SUCNR1: variants seen among roughly 807,000 people sequenced by gnomAD.
SUCNR1 encodes the protein G-protein coupled receptor 91.
SUCNR1 carries 5 observed loss-of-function variants against 2.4 expected under a neutral mutation model. The observed-to-expected ratio is 2.07, with a 90% CI of 1.08 to 4.36. SUCNR1 has a LOEUF of 4.36. SUCNR1 is among the 30% of genes most tolerant of loss of function. The pLI is 0.00. For missense variants in SUCNR1, 373 were observed against 399.2 expected (o/e 0.93, Z 0.56); for synonymous variants, 162 against 143.9 (o/e 1.13, Z -0.90).
At position 151,881,021 on chromosome 3, in the gene SUCNR1, C is replaced by G; in HGVS notation, c.478C>G (p.Leu160Val). 6.2e-7 allele frequency: 1 copy of G among 1,614,144 alleles called. No homozygotes were observed. The highest frequency in any genetic ancestry group is 8.5e-7 in the Non-Finnish European group (1 of 1,180,020). ...VTLELLPILPLINPVITDNGT... is the reference protein window; with the variant it reads ...VTLELLPILPVINPVITDNGT... ...CTTAGAGTTACTACCCATACTTCCC[C>G]TTATAAATCCTGTTATAACTGACAA... The change falls in exon 3 of 3, where the codon CTT (leucine) becomes GTT (valine). Residue 160 changes from leucine to valine, a missense_variant. Physicochemically the swap from Leu to Val is conservative, Grantham distance 32. Around this residue, in one of 3 missense-constraint regions of SUCNR1, gnomAD observed 32 missense variants for 58.3 expected, o/e 0.55. Transcript: ENST00000362032.
In SUCNR1 at chr3:151,884,286, T is replaced by C. The variant is rs1033181245; in HGVS notation, c.*2738T>C. 6.6e-6 allele frequency: 1 copy of C among 152,214 alleles called. No homozygotes were observed. Among genetic ancestry groups the C allele is most frequent in the Admixed American group, 6.5e-5 (1 of 15,280 alleles). The allele number at this position is 152,214 out of a possible 1,614,324, so 9.4% of individuals were successfully genotyped here. ...TTTTATATGAAGAATAGAGTGTATA[T>C]ACATAAACCCATGTGCCAGCTGCCA... is the stretch of plus-strand genomic sequence containing the variant. On this transcript the variant is annotated 3_prime_UTR_variant, in exon 3 of 3. Transcript: ENST00000362032.
intron 1 of SUCNR1, among the ~76,000 whole-genome samples, chr3:151,877,031 CTACCT>C (rs1467829680): frequency 6.6e-6 from 1 of 152,066 alleles, no homozygotes; most frequent in Non-Finnish European, 1.5e-5. Context: ...GTCAGACAGC[CTACCT>C]TGGGAAACCT....
chr3:151,881,595 TAC>T lies in SUCNR1; in HGVS notation c.*49_*50del. ...TCTACAGATGAATCTGTAAGCCAGT[TAC>T]AGTTTGCCTTAACTCATAGACATCA... On this transcript the variant is annotated 3_prime_UTR_variant, in exon 3 of 3. Coordinates refer to ENST00000362032, the MANE Select transcript of SUCNR1 (RefSeq NM_033050.6). The T allele has an allele frequency of 6.6e-7, 1 of 1,518,442 alleles. No homozygotes were observed. The highest frequency in any genetic ancestry group is 2.2e-5 in the East Asian group (1 of 44,452). The allele number at this position is 1,518,442 out of a possible 1,614,324, so 94.1% of individuals were successfully genotyped here. A position where few individuals can be genotyped will look rare whatever the true frequency, so the allele number is the denominator to read the frequency against.
intron 1 of SUCNR1, among the ~76,000 whole-genome samples, chr3:151,875,064 T>C (rs952526226): frequency 6.6e-6 from 1 of 152,144 alleles, no homozygotes; most frequent in African/African-American, 2.4e-5. Flanking sequence ...ATTGGTCTGC[T>C]TATGTGAGTA....
At chr3:151,877,859 A>G (rs983794809) in intron 1 of SUCNR1, among the ~76,000 whole-genome samples, 1 of 152,160 alleles carries the variant, frequency 6.6e-6, no homozygotes. Flanking sequence ...GAATGAGATC[A>G]TTTAGGAAGA....
rs1429656720 is a variant in SUCNR1, at chr3:151,874,194, C to T, written c.-42+488C>T. On this transcript the variant is annotated intron_variant, in intron 1 of 2. Transcript: ENST00000362032. ...TTAAGACAGAGTTTCACTCTTGTCA[C>T]CCAGGCTAGAGTGTCTGAGTGCCAG... Among the ~76,000 whole-genome samples the T allele has an allele frequency of 2.2e-5, 3 of 133,904 alleles. No individual in the cohort carries two copies. In the East Asian group the frequency reaches 6.8e-4, roughly 30 times the overall value. The allele number at this position is 133,904 out of a possible 152,430, so 87.8% of individuals were successfully genotyped here.
intron 1 of SUCNR1, among the ~76,000 whole-genome samples, chr3:151,876,549 C>T (rs1377689143): frequency 6.6e-6 from 1 of 151,918 alleles, no homozygotes; most frequent in Non-Finnish European, 1.5e-5. Context: ...AGAGATAAAG[C>T]TATTAACATT....
In SUCNR1 at chr3:151,873,702, G is replaced by A. The variant is rs2108062533; in HGVS notation, c.-46G>A. On this transcript the variant is annotated 5_prime_UTR_variant, in exon 1 of 3. Coordinates refer to ENST00000362032, the MANE Select transcript of SUCNR1 (RefSeq NM_033050.6). ...TGTCAAGGGATCAAGTCTTCCAACA[G>A]AATGGTAAGCTACATGGCAAATTGT... is the stretch of plus-strand genomic sequence containing the variant. 6.5e-6 allele frequency: 1 copy of A among 152,696 alleles called. No individual in the cohort carries two copies. The highest frequency in any genetic ancestry group is 1.5e-5 in the Non-Finnish European group (1 of 68,016). 9.5% of individuals were successfully genotyped at this position (152,696 alleles called of 1,614,324 possible). A position where few individuals can be genotyped will look rare whatever the true frequency, so the allele number is the denominator to read the frequency against.
In SUCNR1 at chr3:151,881,326, G is replaced by A. The variant is rs771928792; in HGVS notation, c.783G>A (p.Gly261=). The part of the protein sequence containing the change: ...MRNVRIASRL[G]SWKQYQCTQV... Reference sequence around the variant, plus strand: ...ATGTGAGGATCGCTTCACGCCTGGGGAGTTGGAAGCAGTATCAGTGCACTC... The same window carrying A: ...ATGTGAGGATCGCTTCACGCCTGGGAAGTTGGAAGCAGTATCAGTGCACTC... The change falls in exon 3 of 3, where the codon GGG becomes GGA. Residue 261 remains glycine (G), a synonymous_variant. Transcript: ENST00000362032. 6.2e-7 allele frequency: 1 copy of A among 1,614,172 alleles called. No individual in the cohort carries two copies. The highest frequency in any genetic ancestry group is 2.2e-5 in the East Asian group (1 of 44,878).
At chr3:151,879,933 T>C (rs773226532) in intron 2 of SUCNR1, 26 bp downstream of exon 2, 50 of 1,536,718 alleles carry the variant, frequency 3.3e-5, no homozygotes, top group Non-Finnish European at 4.2e-5. Context: ...CAAAAGTGAA[T>C]TCAAAATCTT....
At chr3:151,874,109 C>T (rs184442370) in intron 1 of SUCNR1, among the ~76,000 whole-genome samples, 1,607 of 81,930 alleles carry the variant, frequency 0.02, 64 homozygotes, top group African/African-American at 0.082. Context: ...CACACACACA[C>T]ACACACATAT....
In SUCNR1 at chr3:151,883,951, T is replaced by C. The variant is rs1718177979; in HGVS notation, c.*2403T>C. 6.6e-6 allele frequency: 1 copy of C among 152,236 alleles called. No individual in the cohort carries two copies. The highest frequency in any genetic ancestry group is 2.1e-4 in the South Asian group (1 of 4,838). 9.4% of individuals were successfully genotyped at this position (152,236 alleles called of 1,614,324 possible). On this transcript the variant is annotated 3_prime_UTR_variant, in exon 3 of 3. Coordinates refer to ENST00000362032, the MANE Select transcript of SUCNR1 (RefSeq NM_033050.6). ...TTTGTTCTATCATACCTGAATGGTATAATAATTCTAAACAACTTTCAAGGT... is the reference window on the plus strand; with the variant it reads ...TTTGTTCTATCATACCTGAATGGTACAATAATTCTAAACAACTTTCAAGGT...
intron 1 of SUCNR1, among the ~76,000 whole-genome samples, chr3:151,874,155 T>TC (rs1290308661): frequency 1.2e-5 from 1 of 81,668 alleles, no homozygotes; most frequent in East Asian, 3.4e-4. Context: ...TATTTTTTTT[T>TC]TTTTTTTTTT....
chr3:151,879,952 T>C, intron 2 of SUCNR1, 45 bp downstream of exon 2: 1 of 1,475,976 alleles, frequency 6.8e-7, no homozygotes, highest in Non-Finnish European at 9.2e-7. Flanking sequence ...TTCTCTTCAA[T>C]TATTTTATCA....
At chr3:151,880,337 G>A (rs1331207016) in intron 2 of SUCNR1, among the ~76,000 whole-genome samples, 2 of 152,030 alleles carry the variant, frequency 1.3e-5, no homozygotes, top group Non-Finnish European at 2.9e-5. Context: ...GTTATCTCCC[G>A]TGCCTGAAAT....
chr3:151,876,456 T>C (rs1030148240), intron 1 of SUCNR1, among the ~76,000 whole-genome samples: 34 of 152,134 alleles, frequency 2.2e-4, no homozygotes, highest in Admixed American at 3.9e-4. Context: ...ATCAAATAGA[T>C]GCCAATTTTG....
chr3:151,873,787 A>G (rs1717818086), intron 1 of SUCNR1, 81 bp downstream of exon 1: 1 of 152,546 alleles, frequency 6.6e-6, no homozygotes, highest in Non-Finnish European at 1.5e-5. Context: ...TGAGCAATTA[A>G]GGTTTTCAGT....
chr3:151,879,297 T>C (rs1401458652), intron 1 of SUCNR1, among the ~76,000 whole-genome samples: 2 of 152,334 alleles, frequency 1.3e-5, no homozygotes, highest in Middle Eastern at 3.4e-3. Context: ...TAAAGGTCTT[T>C]CACTAAGCAT....
chr3:151,874,101 CACACACACACACACAT>C (rs1268437139), intron 1 of SUCNR1, among the ~76,000 whole-genome samples: 3 of 132,210 alleles, frequency 2.3e-5, no homozygotes, highest in African/African-American at 6.1e-5. Flanking sequence ...CACACACACA[CACACACACACACACAT>C]ATACATACAT....
Sources: allele counts gnomAD v4.1 joint callset (sites outside exome capture counted in the v4.1 genomes callset), GRCh38; gene constraint gnomAD v4.1.1; regional missense constraint gnomAD v4.1.1; transcripts MANE v1.5; gene names NCBI Gene and HGNC (gene_info 2026-07-23, HGNC 2026-07-21).